ATP2A3: variants seen among roughly 807,000 people sequenced by gnomAD.
ATP2A3 encodes ATPase sarcoplasmic/endoplasmic reticulum Ca2+ transporting 3.
A neutral mutation model predicts 106.8 loss-of-function variants in ATP2A3; 61 were observed. That is an observed-to-expected ratio of 0.57 (90% CI 0.46 to 0.71). The LOEUF (loss-of-function observed/expected upper bound fraction) is 0.71, where lower values mean the gene tolerates loss of function less well. Among genes scored for constraint, ATP2A3 ranks in the 30% least tolerant of loss-of-function variants. The pLI, the probability that ATP2A3 is intolerant of heterozygous loss-of-function variation, is 0.00. For missense variants in ATP2A3, 1,201 were observed against 1,423.5 expected (o/e 0.84, Z 2.52); for synonymous variants, 611 against 609.3 (o/e 1.00, Z -0.04).
In ATP2A3 at chr17:3,941,425, C is replaced by T. The variant is rs1196858941; in HGVS notation, c.1764+11G>A. ...CCTCGTACTGCAGGGAGAATCGGCT[C>T]CTGCACCCACCTCGTACTGCACAAA... On this transcript the variant is annotated intron_variant, in intron 13 of 20. Coordinates refer to ENST00000397041, the MANE Select transcript of ATP2A3 (RefSeq NM_005173.4). The T allele has an allele frequency of 6.2e-7, 1 of 1,614,010 alleles. No homozygotes were observed. Among genetic ancestry groups the T allele is most frequent in the East Asian group, 2.2e-5 (1 of 44,872 alleles).
chr17:3,928,871 A>G lies in ATP2A3; in HGVS notation c.2863-91T>C. ...GCTGGCCTTATCCACCTGGGCTCTG[A>G]TGGACTCTTCATGAGCGCTCCTAAG... On this transcript the variant is annotated intron_variant, in intron 19 of 20. Transcript: ENST00000397041. This position sits in a 1 kb window ranked among gnomAD's most constrained non-coding sequence, Gnocchi z 6.1. 1 of 1,009,556 alleles carries G rather than the reference A, an allele frequency of 9.9e-7. No homozygotes were observed. The highest frequency in any genetic ancestry group is 1.5e-6 in the Non-Finnish European group (1 of 668,466). 62.5% of individuals were successfully genotyped at this position (1,009,556 alleles called of 1,614,324 possible).
chr17:3,939,793 A>T (rs1426258558), intron 14 of ATP2A3, among the ~76,000 whole-genome samples: 9 of 148,926 alleles, frequency 6.0e-5, no homozygotes, highest in African/African-American at 1.7e-4. Context: ...GTCTAAAAAA[A>T]AAAAAAAAAA....
Position 3,935,370 on chromosome 17 carries a change from G to C in ATP2A3, c.2525-93C>G, listed in dbSNP as rs2053378213. ...TAATAATTCCCTGAATTCCCTGCAG[G>C]GAGCCACCCTTTTCCTCTCTCAGCC... On this transcript the variant is annotated intron_variant, in intron 16 of 20. Transcript: ENST00000397041. The C allele has an allele frequency of 5.6e-6, 7 of 1,243,898 alleles. No homozygotes were observed. The South Asian group carries it at 8.6e-5, about 15-fold the overall frequency. 77.1% of individuals were successfully genotyped at this position (1,243,898 alleles called of 1,614,324 possible). A position where few individuals can be genotyped will look rare whatever the true frequency, so the allele number is the denominator to read the frequency against.
chr17:3,943,231 C>T (rs981625950), intron 11 of ATP2A3, among the ~76,000 whole-genome samples, 160 bp downstream of exon 11: 3 of 149,004 alleles, frequency 2.0e-5, no homozygotes, highest in Admixed American at 2.0e-4. Flanking sequence ...AGGATTGCAC[C>T]ATTGTACTAA....
rs550567903 is a variant in ATP2A3, at chr17:3,958,069, G to A, written c.119-4359C>T. Among the ~76,000 whole-genome samples the A allele has an allele frequency of 3.9e-5, 6 of 152,348 alleles. No homozygotes were observed. The South Asian group carries it at 8.3e-4, about 21-fold the overall frequency. ...AGAGGGAGGTGATCAGAGAAGCTTCGTGGCTTAGAGCAAGGAATCTGGTCC... is the reference window on the plus strand; with the variant it reads ...AGAGGGAGGTGATCAGAGAAGCTTCATGGCTTAGAGCAAGGAATCTGGTCC... On this transcript the variant is annotated intron_variant, in intron 1 of 20. Transcript: ENST00000397041.
rs1158731542 is a variant in ATP2A3 at position 3,941,016 on chromosome 17, G to C, written c.2055C>G (p.Ser685=). The C allele has an allele frequency of 6.2e-6, 10 of 1,613,850 alleles. No homozygotes were observed. The highest frequency in any genetic ancestry group is 1.7e-6 in the Non-Finnish European group (2 of 1,179,858). The change falls in exon 14 of 21, where the codon TCC becomes TCG. Residue 685 remains serine (S), a synonymous_variant. Transcript: ENST00000397041. ...CFARVEPAHK[S]RIVENLQSFN... ...AGGACTGCAGGTTCTCCACGATGCG[G>C]GACTTGTGTGCGGGCTCCACGCGGG...
chr17:3,951,187 T>TA (rs1423014396), intron 5 of ATP2A3, 64 bp downstream of exon 5: 4 of 1,180,798 alleles, frequency 3.4e-6, no homozygotes, highest in East Asian at 3.9e-5. Flanking sequence ...AATAAATAAA[T>TA]AAATAAATAA....
Position 3,925,277 on chromosome 17 carries a change from C to T in ATP2A3, c.*145G>A. On this transcript the variant is annotated 3_prime_UTR_variant, in exon 21 of 21. Transcript: ENST00000397041. The surrounding 1 kb of genome is among the most constrained non-coding windows in gnomAD (Gnocchi z 4.2). ...CCCCAGGACGGGGCCCGGGGATGGC[C>T]ATTCTGACCTCGGGCCTGTCATTTA... The T allele has an allele frequency of 3.6e-6, 5 of 1,401,200 alleles. No homozygotes were observed. Among genetic ancestry groups the T allele is most frequent in the Non-Finnish European group, 5.0e-6 (5 of 1,007,982 alleles). 86.8% of individuals were successfully genotyped at this position (1,401,200 alleles called of 1,614,324 possible). A position where few individuals can be genotyped will look rare whatever the true frequency, so the allele number is the denominator to read the frequency against.
intron 8 of ATP2A3, chr17:3,945,473 C>T: frequency 3.9e-6 from 1 of 257,528 alleles, no homozygotes. Context: ...CCTTGCCCAT[C>T]TCACTGTGCG....
rs140980200 is a variant in ATP2A3, at chr17:3,937,503, G to T, written c.2234C>A (p.Ala745Asp). Residue 745 changes from alanine to aspartate, a missense_variant, in exon 15 of 21, where the codon GCT (alanine) becomes GAT (aspartate). This residue lies in a region of ATP2A3 where 935 missense variants were observed against 1,176.7 expected (regional missense o/e 0.79). Transcript: ENST00000397041. ...GATGGCCCGGCCCTCCTCCACCGCA[G>T]CCACGATGGAGGCAAAGTTGTCATC... ...LSDDNFASIV[A>D]AVEEGRAIYS... The T allele has an allele frequency of 1.4e-3, 2,316 of 1,614,150 alleles. 4 individuals carry two copies. The highest frequency in any genetic ancestry group is 2.5e-3 in the Admixed American group (149 of 60,024).
Position 3,941,585 on chromosome 17 carries a change from G to A in ATP2A3, c.1615C>T (p.Pro539Ser), listed in dbSNP as rs765170646. Residue 539 changes from proline (P) to serine (S), a missense_variant, in exon 13 of 21, where the codon CCC becomes TCC. By Grantham distance (74) the Pro-to-Ser change is moderately conservative (BLOSUM62 -1). Coordinates refer to ENST00000397041, the MANE Select transcript of ATP2A3 (RefSeq NM_005173.4). ...RVGSRTAPLT[P>S]TSREQILAKI... ...GCCAGGATCTGCTCCCTGGAGGTGG[G>A]GGTCAGGGGTGCTGTGCGGCTCCCC... 2.6e-5 allele frequency: 42 copies of A among 1,613,014 alleles called. 1 individual carries two copies. The highest frequency in any genetic ancestry group is 2.5e-4 in the Admixed American group (15 of 60,014).
chr17:3,930,565 T>C lies in ATP2A3; in HGVS notation c.2611-131A>G. The stretch of plus-strand genomic sequence containing the variant: ...CAGCACACAAAACACTGCCGTGGGG[T>C]GGGCTGGGGATCCCGGGAGGGGTGC... On this transcript the variant is annotated intron_variant, in intron 17 of 20. Transcript: ENST00000397041. This position sits in a 1 kb window ranked among gnomAD's most constrained non-coding sequence, Gnocchi z 5.4. The C allele has an allele frequency of 1.2e-6, 1 of 823,830 alleles. No individual in the cohort carries two copies. Among genetic ancestry groups the C allele is most frequent in the Non-Finnish European group, 1.7e-6 (1 of 585,956 alleles). 51.0% of individuals were successfully genotyped at this position (823,830 alleles called of 1,614,324 possible).
chr17:3,944,726 T>G lies in ATP2A3; in HGVS notation c.1265A>C (p.Asp422Ala). 3 of 1,613,226 alleles carry G rather than the reference T, an allele frequency of 1.9e-6. No homozygotes were observed. The highest frequency in any genetic ancestry group is 1.7e-6 in the Non-Finnish European group (2 of 1,179,682). The change falls in exon 10 of 21, where the codon GAC becomes GCC. Residue 422 changes from aspartate (D) to alanine (A), a missense_variant. Physicochemically the swap from Asp to Ala is moderately radical, Grantham distance 126 (BLOSUM62 -2). Coordinates refer to ENST00000397041, the MANE Select transcript of ATP2A3 (RefSeq NM_005173.4). ...ELATICALCNDSALDYNEAKG... is the reference protein window; with the variant it reads ...ELATICALCNASALDYNEAKG... ...CACCTCGTTGTAGTCCAGAGCCGAG[T>G]CGTTGCACAGGGCGCAGATGGTCGC...
intron 1 of ATP2A3, among the ~76,000 whole-genome samples, chr17:3,954,741 C>T (rs1256047502): frequency 6.6e-6 from 1 of 152,012 alleles, no homozygotes; most frequent in Non-Finnish European, 1.5e-5. Flanking sequence ...GTGATCTGCC[C>T]GCCTCGGCCT....
At chr17:3,935,713 T>G (rs2053406194) in intron 16 of ATP2A3, among the ~76,000 whole-genome samples, 1 of 152,020 alleles carries the variant, frequency 6.6e-6, no homozygotes, top group Non-Finnish European at 1.5e-5. Flanking sequence ...AATTTTTGTA[T>G]TTTTAGTAGA....
intron 10 of ATP2A3, among the ~76,000 whole-genome samples, chr17:3,943,874 C>G (rs2053928249): frequency 6.6e-6 from 1 of 152,184 alleles, no homozygotes; most frequent in Non-Finnish European, 1.5e-5. Flanking sequence ...CCCAGATGTC[C>G]AGCTGCCTGC....
chr17:3,945,107 C>G lies in ATP2A3; in HGVS notation c.1137G>C (p.Leu379Phe). Residue 379 changes from leucine (L) to phenylalanine (F), a missense_variant, in exon 9 of 21, where the codon TTG (leucine) becomes TTC (phenylalanine). This residue lies in a region of ATP2A3 where 935 missense variants were observed against 1,176.7 expected (regional missense o/e 0.79). Coordinates refer to ENST00000397041, the MANE Select transcript of ATP2A3 (RefSeq NM_005173.4). ...VAEADAGSCL[L>F]HEFTISGTTY... ...TGGTACCCGAGATGGTGAACTCGTG[C>G]AAAAGGCAGGAGCCCGCATCGGCCT... is the stretch of plus-strand genomic sequence containing the variant. 1.3e-6 allele frequency: 2 copies of G among 1,548,248 alleles called. No homozygotes were observed. Among genetic ancestry groups the G allele is most frequent in the Non-Finnish European group, 1.7e-6 (2 of 1,145,810 alleles).
At position 3,947,708 on chromosome 17, in the gene ATP2A3, G is replaced by A. The variant is rs753968915; in HGVS notation, c.778C>T (p.Leu260=). 2 of 1,611,210 alleles carry A rather than the reference G, an allele frequency of 1.2e-6. No homozygotes were observed. The highest frequency in any genetic ancestry group is 1.1e-5 in the South Asian group (1 of 91,084). ...QRKLDEFGRQ[L]SHAISVICVA... ...CAGATCACAGAGATGGCGTGGGACA[G>A]CTGCCGTCCAAACTCGTCCAGCTTG... is the stretch of plus-strand genomic sequence containing the variant. Residue 260 remains leucine, a synonymous_variant, in exon 8 of 21, where the codon CTG becomes TTG. Transcript: ENST00000397041. The surrounding 1 kb of genome is among the most constrained non-coding windows in gnomAD (Gnocchi z 7.7).
chr17:3,938,050 T>A lies in ATP2A3; in HGVS notation c.2101-414A>T, dbSNP rs2053549667. ...AGCCAGGTAGGTGTTGTAGTCAAGT[T>A]GAAGATCAAGGCAAAGGCAGAGGCC... On this transcript the variant is annotated intron_variant, in intron 14 of 20. Coordinates refer to ENST00000397041, the MANE Select transcript of ATP2A3 (RefSeq NM_005173.4). Among the ~76,000 whole-genome samples, 3 of 152,160 alleles carry A rather than the reference T, an allele frequency of 2.0e-5. No homozygotes were observed. The South Asian group carries it at 6.2e-4, about 31-fold the overall frequency.
Sources: gnomAD v4.1 joint callset for allele counts (sites outside exome capture counted in the v4.1 genomes callset) on GRCh38, gnomAD v4.1.1 for gene constraint, gnomAD v4.1.1 regional missense constraint, Gnocchi (gnomAD v3.1) non-coding constraint, MANE v1.5 for transcripts, NCBI Gene and HGNC (gene_info 2026-07-23, HGNC 2026-07-21) for gene names.